The following BPIFA3 variants were observed in gnomAD, a reference collection of about 807,000 sequenced individuals.
BPIFA3 encodes BPI fold-containing family A member 3.
A neutral mutation model predicts 29.7 loss-of-function variants in BPIFA3; 32 were observed. That is an observed-to-expected ratio of 1.08 (90% CI 0.81 to 1.45). BPIFA3 has a LOEUF of 1.45. BPIFA3 is among the 40% of genes most tolerant of loss of function. BPIFA3 has a pLI of 0.00. For synonymous variants in BPIFA3, 112 were observed against 113.7 expected, an observed-to-expected ratio of 0.98 and a Z score of 0.10; for missense variants, 323 against 311.3, an observed-to-expected ratio of 1.04 and a Z score of -0.28.
intron 1 of BPIFA3, among the ~76,000 whole-genome samples, chr20:33,221,823 A>C (rs984583410): frequency 1.6e-4 from 25 of 152,308 alleles, no homozygotes; most frequent in Middle Eastern, 3.4e-3. Flanking sequence ...AGGTTATTGA[A>C]TATATTGGCG....
At chr20:33,217,714 G>A (rs773062645) in intron 1 of BPIFA3, 51 bp downstream of exon 1, 1 of 1,572,608 alleles carries the variant, frequency 6.4e-7, no homozygotes, top group Admixed American at 1.9e-5. Context: ...GGGGAGGTGG[G>A]AAGGTGCCAT....
intron 1 of BPIFA3, among the ~76,000 whole-genome samples, chr20:33,222,971 T>G (rs1264124407): frequency 6.6e-6 from 1 of 152,112 alleles, no homozygotes; most frequent in African/African-American, 2.4e-5. Context: ...GTCTTAATAT[T>G]CCTCACAAGA....
At chr20:33,225,575 T>A in intron 4 of BPIFA3, 1 of 282,488 alleles carries the variant, frequency 3.5e-6, no homozygotes, top group Non-Finnish European at 6.8e-6. Context: ...CTGGCCCGGA[T>A]CTCCCCTCCT....
chr20:33,227,726 C>T lies in BPIFA3; in HGVS notation c.*109C>T. On this transcript the variant is annotated 3_prime_UTR_variant, in exon 7 of 7. Transcript: ENST00000375454. ...CCCCAGGCTCTGTGGACATACCATC[C>T]TCTCCTACAATAAACTCTAGCTCTG... 3 of 868,702 alleles carry T rather than the reference C, an allele frequency of 3.5e-6. No homozygotes were observed. The highest frequency in any genetic ancestry group is 5.5e-6 in the Non-Finnish European group (3 of 542,070). 53.8% of individuals were successfully genotyped at this position (868,702 alleles called of 1,614,324 possible). A position where few individuals can be genotyped will look rare whatever the true frequency, so the allele number is the denominator to read the frequency against.
chr20:33,217,338 C>A, upstream of BPIFA3: 1 of 571,336 alleles, frequency 1.8e-6, no homozygotes, highest in Admixed American at 3.7e-5. Context: ...CAGGGTTCCA[C>A]ATGTTGCTCT....
intron 1 of BPIFA3, among the ~76,000 whole-genome samples, chr20:33,220,916 T>C (rs569060440): frequency 3.3e-5 from 5 of 152,326 alleles, no homozygotes; most frequent in African/African-American, 1.2e-4. Context: ...AAATTTTCTG[T>C]GGGTTTTTGG....
In BPIFA3 at chr20:33,226,958, G is replaced by A. The variant is rs372164313; in HGVS notation, c.650G>A (p.Gly217Glu). 148 of 1,614,102 alleles carry A rather than the reference G, an allele frequency of 9.2e-5. 2 individuals are homozygous for A. In the South Asian group the frequency reaches 1.5e-3, roughly 17 times the overall value. ...QVCPLIGEILGQLDVKLLKSL... is the reference protein window; with the variant it reads ...QVCPLIGEILEQLDVKLLKSL... ...TGTCCTCTGATCGGTGAAATCCTCG[G>A]GCAGCTGGATGTGAAACTGTTGAAA... Residue 217 changes from glycine to glutamate, a missense_variant, in exon 6 of 7, where the codon GGG (glycine) becomes GAG (glutamate). Coordinates refer to ENST00000375454, the MANE Select transcript of BPIFA3 (RefSeq NM_178466.5).
At chr20:33,226,379 G>T in intron 4 of BPIFA3, 27 bp from the exon 5 acceptor site, 1 of 1,540,078 alleles carries the variant, frequency 6.5e-7, no homozygotes. Context: ...GCTCTGTTCT[G>T]TTCTGTGCCT....
rs3833301 is a variant in BPIFA3 at position 33,226,545 on chromosome 20, CAT to C, written c.621+60_621+61del. 0.018 allele frequency: 19,571 copies of C among 1,076,926 alleles called. 2,228 individuals are homozygous for C. In the African/African-American group the frequency reaches 0.25, roughly 14 times the overall value. 66.7% of individuals were successfully genotyped at this position (1,076,926 alleles called of 1,614,324 possible). Reference sequence around the variant, plus strand: ...GCATCCTTGAGTCCGAGGGTTAGGGCATATATCCACTGGCAATTTAGCAAAGG... The same window carrying C: ...GCATCCTTGAGTCCGAGGGTTAGGGCATATCCACTGGCAATTTAGCAAAGG... On this transcript the variant is annotated intron_variant, in intron 5 of 6. Coordinates refer to ENST00000375454, the MANE Select transcript of BPIFA3 (RefSeq NM_178466.5).
intron 1 of BPIFA3, among the ~76,000 whole-genome samples, chr20:33,220,245 G>T (rs1482804218): frequency 6.7e-6 from 1 of 149,776 alleles, no homozygotes; most frequent in Non-Finnish European, 1.5e-5. Context: ...AAAAATACAA[G>T]AAATTAGCCG....
At chr20:33,223,441 A>G (rs1364915882) in intron 1 of BPIFA3, 1 of 171,224 alleles carries the variant, frequency 5.8e-6, no homozygotes, top group African/African-American at 2.4e-5. Context: ...AGCAATTTAC[A>G]TCTATTCTTT....
Position 33,217,444 on chromosome 20 carries a change from A to G in BPIFA3, c.-93A>G. On this transcript the variant is annotated 5_prime_UTR_variant, in exon 1 of 7. Transcript: ENST00000375454. ...TAATTCTGATGTCATCTTTCTGCAGAAAACCATTAGACCATCCCTCCAGAC... is the reference window on the plus strand; with the variant it reads ...TAATTCTGATGTCATCTTTCTGCAGGAAACCATTAGACCATCCCTCCAGAC... The G allele has an allele frequency of 6.8e-7, 1 of 1,467,584 alleles. No individual in the cohort carries two copies. Among genetic ancestry groups the G allele is most frequent in the Non-Finnish European group, 9.1e-7 (1 of 1,093,984 alleles). The allele number at this position is 1,467,584 out of a possible 1,614,324, so 90.9% of individuals were successfully genotyped here.
intron 6 of BPIFA3, 51 bp downstream of exon 6, chr20:33,227,044 G>A: frequency 1.3e-6 from 2 of 1,552,618 alleles, no homozygotes; most frequent in African/African-American, 1.4e-5. Context: ...GCAAGTGGCT[G>A]AAAGAGGTAC....
At chr20:33,218,748 C>T (rs1600624483) in intron 1 of BPIFA3, among the ~76,000 whole-genome samples, 1 of 151,986 alleles carries the variant, frequency 6.6e-6, no homozygotes, top group Admixed American at 6.5e-5. Context: ...CAAAGACAGT[C>T]GCACTGGGGG....
Position 33,217,515 on chromosome 20 carries a change from A to AC in BPIFA3, c.-21dup, listed in dbSNP as rs750426087. 1 of 1,611,566 alleles carries AC rather than the reference A, an allele frequency of 6.2e-7. No individual in the cohort carries two copies. The highest frequency in any genetic ancestry group is 8.5e-7 in the Non-Finnish European group (1 of 1,179,016). Reference sequence around the variant, plus strand: ...GCCCAGGCCCCATCTGACACTCTTGACATCTGCAGGTCCCAGACCCTATGA... The same window carrying AC: ...GCCCAGGCCCCATCTGACACTCTTGACCATCTGCAGGTCCCAGACCCTATGA... On this transcript the variant is annotated 5_prime_UTR_variant, in exon 1 of 7. Transcript: ENST00000375454.
At chr20:33,221,383 C>T (rs557520390) in intron 1 of BPIFA3, among the ~76,000 whole-genome samples, 26 of 152,284 alleles carry the variant, frequency 1.7e-4, no homozygotes, top group Admixed American at 5.2e-4. Flanking sequence ...TCTCAAACTC[C>T]AGACCTCAGG....
intron 1 of BPIFA3, among the ~76,000 whole-genome samples, chr20:33,218,638 G>GC (rs1161980201): frequency 6.6e-6 from 1 of 152,168 alleles, no homozygotes; most frequent in Non-Finnish European, 1.5e-5. Flanking sequence ...TGCAGAGAAA[G>GC]AGATCTGTTT....
At chr20:33,220,756 T>C (rs1985474427) in intron 1 of BPIFA3, among the ~76,000 whole-genome samples, 1 of 152,236 alleles carries the variant, frequency 6.6e-6, no homozygotes, top group Non-Finnish European at 1.5e-5. Flanking sequence ...TCTGTAGGTT[T>C]TTCTATCTAG....
At chr20:33,226,379 G>C (rs374642404) in intron 4 of BPIFA3, 27 bp from the exon 5 acceptor site, 2 of 1,540,078 alleles carry the variant, frequency 1.3e-6, no homozygotes, top group Admixed American at 1.7e-5. Flanking sequence ...GCTCTGTTCT[G>C]TTCTGTGCCT....
Sources: allele counts gnomAD v4.1 joint callset (sites outside exome capture counted in the v4.1 genomes callset), GRCh38; gene constraint gnomAD v4.1.1; transcripts MANE v1.5; gene names NCBI Gene and HGNC (gene_info 2026-07-23, HGNC 2026-07-21).